The following LRP1B variants were observed in gnomAD, a reference collection of about 807,000 sequenced individuals.
LRP1B encodes the protein low-density lipoprotein receptor-related protein 1B.
A neutral mutation model predicts 556.6 loss-of-function variants in LRP1B; 217 were observed. The ratio of observed to expected loss-of-function variants is 0.39; its 90% CI spans 0.35 to 0.44. The LOEUF is 0.44. Ranked by LOEUF, LRP1B falls within the 20% of genes least tolerant of loss-of-function variation. LRP1B has a pLI of 1.00. For missense variants in LRP1B, 5,053 were observed against 5,620.8 expected (o/e 0.90, Z 3.23); for synonymous variants, 2,047 against 1,865.8 (o/e 1.10, Z -2.50).
intron 1 of LRP1B, among the ~76,000 whole-genome samples, chr2:141,995,613 C>G (rs896056446): frequency 6.6e-6 from 1 of 152,100 alleles, no homozygotes; most frequent in Non-Finnish European, 1.5e-5. Context: ...ATTACTCTGC[C>G]TACACTAGTC....
At chr2:141,006,769 C>T (rs1697587734) in intron 14 of LRP1B, among the ~76,000 whole-genome samples, 1 of 151,948 alleles carries the variant, frequency 6.6e-6, no homozygotes, top group Non-Finnish European at 1.5e-5. Context: ...CAAACCTGTA[C>T]ATAGCATGCT....
chr2:142,051,980 A>G (rs544034328), intron 1 of LRP1B, among the ~76,000 whole-genome samples: 1 of 152,296 alleles, frequency 6.6e-6, no homozygotes, highest in South Asian at 2.1e-4. Flanking sequence ...ATTGTGATAA[A>G]CTTCTCATTG....
At chr2:140,888,802 A>G (rs1693713720) in intron 23 of LRP1B, among the ~76,000 whole-genome samples, 1 of 151,880 alleles carries the variant, frequency 6.6e-6, no homozygotes, top group Non-Finnish European at 1.5e-5. Context: ...CGTCTCTACT[A>G]AAAATACAAA....
chr2:140,470,394 AGCACTTTGGGAG>A (rs1687712136), intron 60 of LRP1B, among the ~76,000 whole-genome samples: 1 of 152,150 alleles, frequency 6.6e-6, no homozygotes, highest in South Asian at 2.1e-4. Context: ...CTGTAATCCC[AGCACTTTGGGAG>A]GCCTAGGCGG....
Position 141,246,187 on chromosome 2 carries a change from A to C in LRP1B, c.592+1039T>G, listed in dbSNP as rs1684063759. Among the ~76,000 whole-genome samples the C allele has an allele frequency of 2.0e-5, 3 of 152,326 alleles. No individual in the cohort carries two copies. In the South Asian group the frequency reaches 6.2e-4, roughly 32 times the overall value. On this transcript the variant is annotated intron_variant, in intron 5 of 90. Coordinates refer to ENST00000389484, the MANE Select transcript of LRP1B (RefSeq NM_018557.3). ...GTGATGTAGAGGGTATATACCATGA[A>C]ATAGAATGGATTGGGAAGGTCACTC...
Position 140,525,998 on chromosome 2 carries a change from A to G in LRP1B, c.7877-5T>C. ...AATGTGTGCAGTCTGTGTTATCTAG[A>G]AGAAGGTAAACAAAAAATGAAAAAG... On this transcript the variant is annotated splice_region_variant and splice_polypyrimidine_tract_variant and intron_variant, in intron 48 of 90. Transcript: ENST00000389484. 1 of 1,611,012 alleles carries G rather than the reference A, an allele frequency of 6.2e-7. No individual in the cohort carries two copies. Among genetic ancestry groups the G allele is most frequent in the Non-Finnish European group, 8.5e-7 (1 of 1,178,468 alleles).
rs1221124587 is a variant in LRP1B at position 141,447,698 on chromosome 2, G to A, written c.343+32698C>T. On this transcript the variant is annotated intron_variant, in intron 3 of 90. Transcript: ENST00000389484. ...TGCTGCAGGTCTGCTGGAGTTTGCT[G>A]GAGGTCCACTCCAGACCCTGTTTGC... is the stretch of plus-strand genomic sequence containing the variant. Among the ~76,000 whole-genome samples the A allele has an allele frequency of 2.0e-5, 3 of 152,266 alleles. No individual in the cohort carries two copies. In the South Asian group the frequency reaches 6.2e-4, roughly 32 times the overall value.
intron 43 of LRP1B, among the ~76,000 whole-genome samples, chr2:140,589,717 T>C (rs1201096045): frequency 2.0e-5 from 3 of 152,232 alleles, no homozygotes; most frequent in African/African-American, 7.2e-5. Context: ...ATAATTCCAT[T>C]ATATAAGTTT....
intron 18 of LRP1B, among the ~76,000 whole-genome samples, chr2:140,967,905 T>C (rs963507140): frequency 6.6e-6 from 1 of 151,394 alleles, no homozygotes; most frequent in Non-Finnish European, 1.5e-5. Context: ...TTGATCATGG[T>C]GGATAAGCTT....
rs970611784 is a variant in LRP1B, at chr2:140,982,348, G to A, written c.2771-72C>T. 2.2e-5 allele frequency: 20 copies of A among 889,880 alleles called. No individual in the cohort carries two copies. In the African/African-American group the frequency reaches 3.3e-4, roughly 15 times the overall value. The allele number at this position is 889,880 out of a possible 1,614,324, so 55.1% of individuals were successfully genotyped here. On this transcript the variant is annotated intron_variant, in intron 17 of 90. Coordinates refer to ENST00000389484, the MANE Select transcript of LRP1B (RefSeq NM_018557.3). ...GAACATCAAGGATATAATTAAGCATGCAATATTCCTTTCATACATAAGATA... is the reference window on the plus strand; with the variant it reads ...GAACATCAAGGATATAATTAAGCATACAATATTCCTTTCATACATAAGATA...
In LRP1B at chr2:142,045,053, A is replaced by G. The variant is rs115190630; in HGVS notation, c.82+85595T>C. On this transcript the variant is annotated intron_variant, in intron 1 of 90. Coordinates refer to ENST00000389484, the MANE Select transcript of LRP1B (RefSeq NM_018557.3). The stretch of plus-strand genomic sequence containing the variant: ...TGTAACTTCCTTTTTGAAAATATGC[A>G]TATAAGACTATGCATTTTAATTTTC... 6.9e-3 allele frequency among the ~76,000 whole-genome samples: 1,048 copies of G among 151,826 alleles called. 13 individuals carry two copies. Among genetic ancestry groups the G allele is most frequent in the African/African-American group, 0.023 (974 of 41,504 alleles).
chr2:141,560,127 A>G (rs1348432144), intron 2 of LRP1B, among the ~76,000 whole-genome samples: 1 of 151,714 alleles, frequency 6.6e-6, no homozygotes, highest in Non-Finnish European at 1.5e-5. Context: ...GTTAAGAAAA[A>G]TAACAGAAGC....
At position 140,923,055 on chromosome 2, in the gene LRP1B, T is replaced by G; in HGVS notation, c.3229A>C (p.Lys1077Gln). Residue 1077 changes from lysine to glutamine, a missense_variant, in exon 21 of 91, where the codon AAA becomes CAA. Physicochemically the swap from Lys to Gln is moderately conservative, Grantham distance 53 (BLOSUM62 1). Transcript: ENST00000389484. ...TCATCACTACCATCTTCACAGTCTT[T>G]TTCTCCATCACAGCGCCACAAATCA... ...VPDLWRCDGE[K>Q]DCEDGSDEKG... is the part of the protein sequence containing the mutation. The G allele has an allele frequency of 6.2e-7, 1 of 1,613,256 alleles. No homozygotes were observed. Among genetic ancestry groups the G allele is most frequent in the Non-Finnish European group, 8.5e-7 (1 of 1,179,472 alleles).
chr2:141,370,034 A>G (rs564315616), intron 3 of LRP1B, among the ~76,000 whole-genome samples: 1 of 152,020 alleles, frequency 6.6e-6, no homozygotes, highest in Non-Finnish European at 1.5e-5. Context: ...TTCTTTATCC[A>G]TTCCTCCATT....
chr2:140,761,233 A>G (rs933210811), intron 35 of LRP1B, among the ~76,000 whole-genome samples: 16 of 152,222 alleles, frequency 1.1e-4, no homozygotes, highest in African/African-American at 3.6e-4. Flanking sequence ...TTAAGCCAGA[A>G]TATAGAAGCT....
At chr2:142,074,804 C>T (rs1239482537) in intron 1 of LRP1B, among the ~76,000 whole-genome samples, 2 of 152,106 alleles carry the variant, frequency 1.3e-5, no homozygotes, top group Non-Finnish European at 2.9e-5. Context: ...GACCCTCTCT[C>T]ACCTGTCCCA....
chr2:141,240,840 G>GA (rs759562158), intron 5 of LRP1B, among the ~76,000 whole-genome samples: 80 of 152,054 alleles, frequency 5.3e-4, no homozygotes, highest in Non-Finnish European at 1.1e-3. Context: ...ATGTTATGAA[G>GA]AAAATGGAAG....
chr2:140,941,623 C>T (rs1695405568), intron 20 of LRP1B, among the ~76,000 whole-genome samples: 1 of 152,158 alleles, frequency 6.6e-6, no homozygotes, highest in South Asian at 2.1e-4. Context: ...CATACTGCTT[C>T]AACATGCAAT....
intron 2 of LRP1B, among the ~76,000 whole-genome samples, chr2:141,693,924 C>G (rs957674682): frequency 6.6e-6 from 1 of 151,906 alleles, no homozygotes; most frequent in African/African-American, 2.4e-5. Context: ...GAAATAGAAG[C>G]CACATGAATT....
Sources: gnomAD v4.1 joint callset for allele counts (sites outside exome capture counted in the v4.1 genomes callset) on GRCh38, gnomAD v4.1.1 for gene constraint, MANE v1.5 for transcripts, NCBI Gene and HGNC (gene_info 2026-07-23, HGNC 2026-07-21) for gene names.